GPC3: variants seen among roughly 807,000 people sequenced by gnomAD.
GPC3 encodes glypican-3.
GPC3 carries 3 observed loss-of-function variants against 34.4 expected under a neutral mutation model. The observed-to-expected ratio is 0.09, with a 90% CI of 0.04 to 0.23. GPC3 has a LOEUF of 0.23. Ranked by LOEUF, GPC3 falls within the 10% of genes least tolerant of loss-of-function variation. GPC3 has a pLI of 1.00. For missense variants in GPC3, 351 were observed against 445.6 expected (o/e 0.79, Z 1.91); for synonymous variants, 177 against 174.0 (o/e 1.02, Z -0.13).
chrX:133,769,372 A>C (rs1245618464), intron 2 of GPC3, among the ~76,000 whole-genome samples: 4 of 112,216 alleles, frequency 3.6e-5, no homozygotes, highest in Admixed American at 1.9e-4. Context: ...AAGAGCATAG[A>C]TCTTATGTCA....
At chrX:133,591,156 T>C (rs754658403) in intron 7 of GPC3, among the ~76,000 whole-genome samples, 1 of 111,693 alleles carries the variant, frequency 9.0e-6, no homozygotes, top group African/African-American at 3.3e-5. Context: ...AAAAGGGAGA[T>C]ACAAGAGAGT....
intron 2 of GPC3, chrX:133,763,766 A>C: frequency 2.3e-6 from 1 of 443,897 alleles, no homozygotes; most frequent in African/African-American, 2.4e-5. Context: ...AAAGTCAAAA[A>C]ACAACAGATG....
chrX:133,691,275 G>C (rs187277333), intron 5 of GPC3, among the ~76,000 whole-genome samples: 21 of 110,838 alleles, frequency 1.9e-4, no homozygotes, highest in Non-Finnish European at 3.8e-4. Flanking sequence ...GAGGCAGGTG[G>C]ATCACCCAAG....
chrX:133,723,387 G>A (rs1438114617), intron 3 of GPC3, among the ~76,000 whole-genome samples: 1 of 111,876 alleles, frequency 8.9e-6, no homozygotes, highest in Non-Finnish European at 1.9e-5. Context: ...GAGTTCAGAG[G>A]CTTCCCCAAA....
intron 2 of GPC3, among the ~76,000 whole-genome samples, chrX:133,866,326 A>G (rs954429766): frequency 1.8e-5 from 2 of 111,781 alleles, no homozygotes; most frequent in African/African-American, 6.5e-5. Flanking sequence ...TCTCTGTGTT[A>G]TGGGAAATGG....
intron 6 of GPC3, among the ~76,000 whole-genome samples, chrX:133,637,428 T>A (rs747481506): frequency 4.6e-4 from 50 of 108,768 alleles, no homozygotes; most frequent in Middle Eastern, 4.7e-3. Flanking sequence ...AAAAAAAAAA[T>A]AAAAAATAAA....
At chrX:133,842,761 G>A (rs1036436056) in intron 2 of GPC3, among the ~76,000 whole-genome samples, 1 of 110,668 alleles carries the variant, frequency 9.0e-6, no homozygotes, top group Admixed American at 9.7e-5. Context: ...ATACTCAGAA[G>A]GTTTATTTCT....
intron 1 of GPC3, among the ~76,000 whole-genome samples, chrX:133,982,600 C>T (rs1369530979): frequency 2.7e-5 from 3 of 112,080 alleles, no homozygotes; most frequent in African/African-American, 9.7e-5. Context: ...GTACCTTATT[C>T]AGGCTAACCC....
chrX:133,969,179 A>G (rs1771012766), intron 1 of GPC3, among the ~76,000 whole-genome samples: 1 of 111,322 alleles, frequency 9.0e-6, no homozygotes, highest in African/African-American at 3.3e-5. Context: ...TACCAAATGG[A>G]TGCCTGAGGA....
chrX:133,957,758 T>G (rs2076422830), intron 1 of GPC3, among the ~76,000 whole-genome samples: 1 of 111,723 alleles, frequency 9.0e-6, no homozygotes, highest in Admixed American at 9.5e-5. Flanking sequence ...AAAGGAAAAT[T>G]AAAAGAAAAT....
chrX:133,847,809 T>C (rs778550593), intron 2 of GPC3, among the ~76,000 whole-genome samples: 2 of 112,145 alleles, frequency 1.8e-5, no homozygotes, highest in Non-Finnish European at 3.8e-5. Context: ...CTGGTTCCTG[T>C]TTCTATTAAC....
intron 5 of GPC3, among the ~76,000 whole-genome samples, chrX:133,675,507 T>C (rs2070875439): frequency 8.9e-6 from 1 of 111,831 alleles, no homozygotes; most frequent in African/African-American, 3.3e-5. Flanking sequence ...TATTCATTTC[T>C]AGGCCCACTC....
At chrX:133,652,718 A>G (rs17000462) in intron 6 of GPC3, among the ~76,000 whole-genome samples, 5,313 of 111,864 alleles carry the variant, frequency 0.047, 321 homozygotes, top group African/African-American at 0.16. Context: ...ACAGTTGAAC[A>G]CTAGATCTCA....
At chrX:133,798,411 G>C (rs991998546) in intron 2 of GPC3, among the ~76,000 whole-genome samples, 1 of 111,488 alleles carries the variant, frequency 9.0e-6, no homozygotes, top group African/African-American at 3.3e-5. Flanking sequence ...GATGGAATGG[G>C]GTACAGCCAC....
At chrX:133,797,936 GA>G (rs1001028948) in intron 2 of GPC3, among the ~76,000 whole-genome samples, 40 of 109,262 alleles carry the variant, frequency 3.7e-4, no homozygotes, top group Admixed American at 1.5e-3. Context: ...AAGCTGTTAA[GA>G]AAAAAAAATG....
At chrX:133,755,751 C>A (rs1361458583) in intron 2 of GPC3, among the ~76,000 whole-genome samples, 1 of 111,396 alleles carries the variant, frequency 9.0e-6, no homozygotes, top group Non-Finnish European at 1.9e-5. Flanking sequence ...TTGTTTAGAA[C>A]ATTAAGCAAT....
chrX:133,896,622 C>A (rs1334876800), intron 2 of GPC3, among the ~76,000 whole-genome samples: 1 of 111,673 alleles, frequency 9.0e-6, no homozygotes, highest in Non-Finnish European at 1.9e-5. Context: ...CTCCTTTGAG[C>A]TCTCTTTACA....
chrX:133,686,888 G>A (rs915973970), intron 5 of GPC3, among the ~76,000 whole-genome samples: 2 of 108,767 alleles, frequency 1.8e-5, no homozygotes, highest in Non-Finnish European at 3.8e-5. Flanking sequence ...TGGACTGCTG[G>A]GGAAGAGATG....
intron 2 of GPC3, among the ~76,000 whole-genome samples, chrX:133,820,684 A>T (rs1337275269): frequency 8.9e-6 from 1 of 111,872 alleles, no homozygotes; most frequent in East Asian, 2.8e-4. Context: ...CCATACAAAA[A>T]TTATGAATCA....
Sources: allele counts gnomAD v4.1 joint callset (sites outside exome capture counted in the v4.1 genomes callset), GRCh38; gene constraint gnomAD v4.1.1; transcripts MANE v1.5; gene names NCBI Gene and HGNC (gene_info 2026-07-23, HGNC 2026-07-21).